Variants in ARHGAP12 observed in about 807,000 individuals in gnomAD.
ARHGAP12 encodes the protein rho GTPase-activating protein 12.
In ARHGAP12, 64 loss-of-function variants were observed where a neutral mutation model predicts 108.6. That is an observed-to-expected ratio of 0.59 (90% CI 0.48 to 0.73). The LOEUF is 0.73. Ranked by LOEUF, ARHGAP12 falls within the 30% of genes least tolerant of loss-of-function variation. The pLI, the probability that ARHGAP12 is intolerant of heterozygous loss-of-function variation, is 0.00. For missense variants in ARHGAP12, 940 were observed against 1,005.9 expected (o/e 0.93, Z 0.89); for synonymous variants, 312 against 337.2 (o/e 0.93, Z 0.82).
chr10:31,884,146 T>C (rs535462671), intron 3 of ARHGAP12, among the ~76,000 whole-genome samples: 16 of 151,854 alleles, frequency 1.1e-4, no homozygotes, highest in African/African-American at 3.9e-4. Flanking sequence ...AAAAGACCAC[T>C]TCTTTCCAAA....
chr10:31,911,917 T>C (rs1839365313), intron 1 of ARHGAP12, among the ~76,000 whole-genome samples: 2 of 152,180 alleles, frequency 1.3e-5, no homozygotes, highest in Non-Finnish European at 2.9e-5. Flanking sequence ...AAAAAGACTA[T>C]TAATACATAA....
At chr10:31,914,345 T>G (rs1839472464) in intron 1 of ARHGAP12, among the ~76,000 whole-genome samples, 1 of 152,082 alleles carries the variant, frequency 6.6e-6, no homozygotes, top group African/African-American at 2.4e-5. Context: ...ATGACTGTTT[T>G]ATATGGTGAG....
At chr10:31,896,934 C>T (rs1466226620) in intron 3 of ARHGAP12, among the ~76,000 whole-genome samples, 1 of 151,816 alleles carries the variant, frequency 6.6e-6, no homozygotes, top group Non-Finnish European at 1.5e-5. Context: ...AGATCTATTT[C>T]CCTGGAACAG....
At chr10:31,900,958 G>A (rs1324844651) in intron 3 of ARHGAP12, among the ~76,000 whole-genome samples, 1 of 152,176 alleles carries the variant, frequency 6.6e-6, no homozygotes, top group Non-Finnish European at 1.5e-5. Context: ...GCTCAAGCCT[G>A]TAATCCCAGC....
chr10:31,850,548 G>T (rs1404715700), intron 6 of ARHGAP12, among the ~76,000 whole-genome samples: 2 of 152,058 alleles, frequency 1.3e-5, no homozygotes, highest in African/African-American at 4.8e-5. Context: ...TTGAAGAGCA[G>T]TATCTGAGGT....
At chr10:31,833,791 A>T (rs1450714125) in intron 9 of ARHGAP12, among the ~76,000 whole-genome samples, 1 of 152,202 alleles carries the variant, frequency 6.6e-6, no homozygotes, top group Non-Finnish European at 1.5e-5. Flanking sequence ...CTGAAACAGC[A>T]GGAGATAAAA....
chr10:31,841,053 A>G (rs1216988597), intron 7 of ARHGAP12, among the ~76,000 whole-genome samples: 1 of 151,286 alleles, frequency 6.6e-6, no homozygotes, highest in African/African-American at 2.5e-5. Flanking sequence ...GAATAAAATG[A>G]TAATTATATT....
At chr10:31,880,398 C>A (rs1308540766) in intron 3 of ARHGAP12, among the ~76,000 whole-genome samples, 1 of 151,990 alleles carries the variant, frequency 6.6e-6, no homozygotes, top group East Asian at 1.9e-4. Context: ...TGCTTGAGCC[C>A]AGGAGTTTGA....
chr10:31,888,749 C>T (rs1028117403), intron 3 of ARHGAP12, among the ~76,000 whole-genome samples: 6 of 151,990 alleles, frequency 3.9e-5, no homozygotes, highest in Admixed American at 2.0e-4. Context: ...AAATATAAAA[C>T]ATAAGATAAA....
intron 1 of ARHGAP12, among the ~76,000 whole-genome samples, chr10:31,920,211 G>C (rs1344244854): frequency 6.6e-6 from 1 of 151,818 alleles, no homozygotes; most frequent in Non-Finnish European, 1.5e-5. Flanking sequence ...CCAGCACTCT[G>C]GGAGGCAGAG....
chr10:31,920,466 A>AAAG (rs1839753931), intron 1 of ARHGAP12, among the ~76,000 whole-genome samples: 1 of 151,054 alleles, frequency 6.6e-6, no homozygotes, highest in Non-Finnish European at 1.5e-5. Flanking sequence ...AAAAAAAAAA[A>AAAG]AAAAAGAAAA....
Position 31,861,435 on chromosome 10 carries a change from C to T in ARHGAP12, c.908G>A (p.Ser303Asn). ...WKPPRWTRDA[S>N]ISKGDFQNPG... is the part of the protein sequence containing the mutation. ...ATTTTGGAAATCTCCTTTGCTGATG[C>T]TTGCATCCCGAGTCCAACGAGGAGG... is the stretch of plus-strand genomic sequence containing the variant. Residue 303 changes from serine (S) to asparagine (N), a missense_variant, in exon 4 of 20, where the codon AGC (serine) becomes AAC (asparagine). Transcript: ENST00000344936. 6.2e-7 allele frequency: 1 copy of T among 1,614,112 alleles called. No homozygotes were observed. The highest frequency in any genetic ancestry group is 8.5e-7 in the Non-Finnish European group (1 of 1,179,990).
chr10:31,806,103 T>C lies in ARHGAP12; in HGVS notation c.*1555A>G, dbSNP rs984654253. On this transcript the variant is annotated 3_prime_UTR_variant, in exon 20 of 20. Transcript: ENST00000344936. ...GTCACAAATCACTCGCTTTCAAATA[T>C]TGATGGAGAAATAAAAAGTGTACGT... The C allele has an allele frequency of 3.3e-5, 5 of 152,072 alleles. No individual in the cohort carries two copies. The highest frequency in any genetic ancestry group is 9.7e-5 in the African/African-American group (4 of 41,412). The allele number at this position is 152,072 out of a possible 1,614,324, so 9.4% of individuals were successfully genotyped here.
Position 31,857,318 on chromosome 10 carries a change from TA to T in ARHGAP12, c.949-3113del, listed in dbSNP as rs574439790. On this transcript the variant is annotated intron_variant, in intron 4 of 19. Transcript: ENST00000344936. ...ATATCGGGAAACTCCCCTAAACAAA[TA>T]AAAAAAAATACTTTTTTACAATTCA... is the stretch of plus-strand genomic sequence containing the variant. Among the ~76,000 whole-genome samples the T allele has an allele frequency of 2.6e-3, 389 of 150,888 alleles. 4 individuals carry two copies. Among genetic ancestry groups the T allele is most frequent in the South Asian group, 0.02 (97 of 4,784 alleles).
intron 3 of ARHGAP12, among the ~76,000 whole-genome samples, chr10:31,881,375 CA>C (rs980125352): frequency 5.3e-5 from 8 of 151,610 alleles, no homozygotes; most frequent in African/African-American, 1.9e-4. Flanking sequence ...GGAACACACA[CA>C]AAAAAAACAT....
chr10:31,810,148 A>ATGTT (rs1834961713), intron 16 of ARHGAP12, among the ~76,000 whole-genome samples: 1 of 152,202 alleles, frequency 6.6e-6, no homozygotes, highest in African/African-American at 2.4e-5. Flanking sequence ...TATTATAGCT[A>ATGTT]TGTTTAAATT....
chr10:31,859,578 T>C (rs949216030), intron 4 of ARHGAP12, among the ~76,000 whole-genome samples: 7 of 148,636 alleles, frequency 4.7e-5, no homozygotes, highest in Non-Finnish European at 9.0e-5. Context: ...ATAATTTGTA[T>C]AGAGACCAGT....
At chr10:31,877,533 T>A (rs1045965460) in intron 3 of ARHGAP12, among the ~76,000 whole-genome samples, 1 of 152,236 alleles carries the variant, frequency 6.6e-6, no homozygotes, top group African/African-American at 2.4e-5. Flanking sequence ...CTATTGTACC[T>A]GATAAACAGA....
At chr10:31,923,367 T>C (rs903821693) in intron 1 of ARHGAP12, among the ~76,000 whole-genome samples, 1 of 152,172 alleles carries the variant, frequency 6.6e-6, no homozygotes, top group South Asian at 2.1e-4. Context: ...CTGGTGAGGA[T>C]GTAAAACTGA....
Sources: allele counts gnomAD v4.1 joint callset (sites outside exome capture counted in the v4.1 genomes callset), GRCh38; gene constraint gnomAD v4.1.1; transcripts MANE v1.5; gene names NCBI Gene and HGNC (gene_info 2026-07-23, HGNC 2026-07-21).